The following DOCK2 variants were observed in gnomAD, a reference collection of about 807,000 sequenced individuals.
DOCK2 encodes dedicator of cytokinesis protein 2.
Under a neutral mutation model 248.9 loss-of-function variants are expected in DOCK2, and 87 were observed. That is an observed-to-expected ratio of 0.35 (90% CI 0.29 to 0.42). DOCK2 has a LOEUF of 0.42. Ranked by LOEUF, DOCK2 falls within the 10% of genes least tolerant of loss-of-function variation. The pLI is 1.00. For missense variants in DOCK2, 1,747 were observed against 2,300.2 expected (o/e 0.76, Z 4.92); for synonymous variants, 805 against 821.6 (o/e 0.98, Z 0.35).
intron 34 of DOCK2, 66 bp downstream of exon 34, chr5:170,028,014 C>T (rs545581330): frequency 5.6e-6 from 8 of 1,438,222 alleles, no homozygotes; most frequent in Non-Finnish European, 7.6e-6. Flanking sequence ...GGGCTCAGAA[C>T]TCCAGGGGGC....
intron 40 of DOCK2, among the ~76,000 whole-genome samples, chr5:170,049,525 G>A (rs1756840348): frequency 6.6e-6 from 1 of 152,156 alleles, no homozygotes; most frequent in Non-Finnish European, 1.5e-5. Flanking sequence ...GGAAATTAGG[G>A]GCCATTTTAG....
chr5:169,782,408 G>T (rs1765757079), intron 25 of DOCK2, among the ~76,000 whole-genome samples: 1 of 151,900 alleles, frequency 6.6e-6, no homozygotes, highest in Admixed American at 6.6e-5. Flanking sequence ...GTTCCTTGCA[G>T]CTGTTTCATC....
At chr5:169,868,662 G>T (rs962512378) in intron 27 of DOCK2, among the ~76,000 whole-genome samples, 1 of 152,186 alleles carries the variant, frequency 6.6e-6, no homozygotes, top group African/African-American at 2.4e-5. Flanking sequence ...GGAGGCTGAG[G>T]TGAGAGGATC....
At chr5:169,982,936 C>A in intron 27 of DOCK2, 132 bp from the exon 28 acceptor site, 1 of 807,998 alleles carries the variant, frequency 1.2e-6, no homozygotes, top group Non-Finnish European at 2.0e-6. Flanking sequence ...ACTGCTATTA[C>A]AGTCCCAGGC....
intron 27 of DOCK2, among the ~76,000 whole-genome samples, chr5:169,888,801 A>G (rs1219403990): frequency 2.0e-5 from 3 of 152,238 alleles, no homozygotes; most frequent in Admixed American, 6.5e-5. Context: ...CACTCTTCAG[A>G]TAGAACCCAG....
chr5:170,080,100 A>G, intron 49 of DOCK2, 63 bp from the exon 50 acceptor site: 1 of 1,600,368 alleles, frequency 6.2e-7, no homozygotes, highest in Non-Finnish European at 8.5e-7. Context: ...AGAGACCCAG[A>G]TCTGCCTCAT....
chr5:169,867,524 A>G (rs771270579), intron 27 of DOCK2, among the ~76,000 whole-genome samples: 1 of 150,860 alleles, frequency 6.6e-6, no homozygotes, highest in Admixed American at 6.6e-5. Context: ...TCTATCTATC[A>G]TCTATCATCT....
intron 27 of DOCK2, among the ~76,000 whole-genome samples, chr5:169,889,172 A>G (rs1473195122): frequency 6.6e-6 from 1 of 152,250 alleles, no homozygotes; most frequent in African/African-American, 2.4e-5. Flanking sequence ...CTTCTAAGAC[A>G]TGGAATAGTT....
intron 27 of DOCK2, among the ~76,000 whole-genome samples, chr5:169,940,119 G>A (rs1241968338): frequency 2.0e-5 from 3 of 152,130 alleles, no homozygotes; most frequent in Admixed American, 6.5e-5. Flanking sequence ...GGTCCCCTCC[G>A]TCTATTGAAG....
At chr5:169,818,178 C>A (rs551890493) in intron 26 of DOCK2, among the ~76,000 whole-genome samples, 1 of 152,178 alleles carries the variant, frequency 6.6e-6, no homozygotes. Context: ...CTCACATGTA[C>A]TTCTCATTGC....
At chr5:169,721,349 G>A (rs1387190875) in intron 22 of DOCK2, among the ~76,000 whole-genome samples, 1 of 152,198 alleles carries the variant, frequency 6.6e-6, no homozygotes, top group Non-Finnish European at 1.5e-5. Flanking sequence ...AGGCTGACCT[G>A]CAAAGACGGT....
intron 26 of DOCK2, among the ~76,000 whole-genome samples, chr5:169,837,050 G>C (rs535098690): frequency 6.6e-6 from 1 of 152,172 alleles, no homozygotes; most frequent in East Asian, 1.9e-4. Flanking sequence ...CCTTAGCCCC[G>C]ACCCTGCCTA....
chr5:169,721,044 C>CT (rs1197430342), intron 22 of DOCK2, among the ~76,000 whole-genome samples: 5 of 151,854 alleles, frequency 3.3e-5, no homozygotes, highest in African/African-American at 1.2e-4. Context: ...TCATGTCTTA[C>CT]GTCTGTTAGT....
At chr5:169,638,975 A>G (rs1047923690) in intron 1 of DOCK2, among the ~76,000 whole-genome samples, 2 of 152,226 alleles carry the variant, frequency 1.3e-5, no homozygotes, top group Non-Finnish European at 2.9e-5. Context: ...TGTGGGTCAA[A>G]CAATAAGTAG....
chr5:170,034,631 T>A, intron 35 of DOCK2, 76 bp downstream of exon 35: 3 of 1,569,664 alleles, frequency 1.9e-6, no homozygotes, highest in Non-Finnish European at 2.6e-6. Context: ...GTCTCACGAT[T>A]GTTCTTCATA....
chr5:169,880,091 A>G (rs1772551535), intron 27 of DOCK2, among the ~76,000 whole-genome samples: 1 of 152,252 alleles, frequency 6.6e-6, no homozygotes, highest in South Asian at 2.1e-4. Flanking sequence ...AGCAGCAAAA[A>G]GAGAGCAATT....
Position 169,689,435 on chromosome 5 carries a change from G to A in DOCK2, c.843+102G>A, listed in dbSNP as rs1051628417. 43 of 1,228,728 alleles carry A rather than the reference G, an allele frequency of 3.5e-5. No homozygotes were observed. In the African/African-American group the frequency reaches 5.9e-4, roughly 17 times the overall value. The allele number at this position is 1,228,728 out of a possible 1,614,324, so 76.1% of individuals were successfully genotyped here. A position where few individuals can be genotyped will look rare whatever the true frequency, so the allele number is the denominator to read the frequency against. The stretch of plus-strand genomic sequence containing the variant: ...GCTCAGGGTGAAGTGTGGCTGTCCT[G>A]CAGAGCTGTGTTGTGGGCTCCAAGC... On this transcript the variant is annotated intron_variant, in intron 9 of 51. Transcript: ENST00000520908.
chr5:169,652,054 C>T (rs759342924), intron 1 of DOCK2, among the ~76,000 whole-genome samples: 2 of 152,208 alleles, frequency 1.3e-5, no homozygotes, highest in African/African-American at 2.4e-5. Context: ...TTCAGCTGAG[C>T]CTCCCAGGAA....
intron 1 of DOCK2, among the ~76,000 whole-genome samples, chr5:169,641,044 G>T (rs761768922): frequency 6.6e-6 from 1 of 152,202 alleles, no homozygotes; most frequent in East Asian, 1.9e-4. Flanking sequence ...GCATTCCTTG[G>T]CTTACAAAAG....
Sources: allele counts gnomAD v4.1 joint callset (sites outside exome capture counted in the v4.1 genomes callset), GRCh38; gene constraint gnomAD v4.1.1; transcripts MANE v1.5; gene names NCBI Gene and HGNC (gene_info 2026-07-23, HGNC 2026-07-21).